Variants in DGKB observed in about 807,000 individuals in gnomAD.
The protein encoded by DGKB is diacylglycerol kinase beta, also known as 90 kDa diacylglycerol kinase.
In DGKB, 67 loss-of-function variants were observed where a neutral mutation model predicts 114.3. The ratio of observed to expected loss-of-function variants is 0.59; its 90% CI spans 0.48 to 0.72. The LOEUF (loss-of-function observed/expected upper bound fraction) is 0.72, where lower values mean the gene tolerates loss of function less well. Ranked by LOEUF, DGKB falls within the 30% of genes least tolerant of loss-of-function variation. DGKB has a pLI of 0.00. For synonymous variants in DGKB, 398 were observed against 323.1 expected, an observed-to-expected ratio of 1.23 and a Z score of -2.49; for missense variants, 907 against 975.2, an observed-to-expected ratio of 0.93 and a Z score of 0.93.
intron 6 of DGKB, among the ~76,000 whole-genome samples, chr7:14,703,696 G>A (rs1472054008): frequency 7.9e-5 from 12 of 152,084 alleles, no homozygotes; most frequent in African/African-American, 2.9e-4. Context: ...GGGGTGTTTC[G>A]AGGCAACCAT....
chr7:14,497,107 T>C (rs1423430762), intron 20 of DGKB, among the ~76,000 whole-genome samples: 1 of 151,818 alleles, frequency 6.6e-6, no homozygotes, highest in Non-Finnish European at 1.5e-5. Flanking sequence ...AATACGCATG[T>C]TCTTATTTAT....
intron 1 of DGKB, among the ~76,000 whole-genome samples, chr7:14,897,243 A>G (rs1782248682): frequency 6.6e-6 from 1 of 151,966 alleles, no homozygotes; most frequent in Non-Finnish European, 1.5e-5. Flanking sequence ...ATAAATGTAT[A>G]AAAATGGAAT....
chr7:14,776,145 G>A (rs1400501360), intron 2 of DGKB, among the ~76,000 whole-genome samples: 1 of 152,120 alleles, frequency 6.6e-6, no homozygotes, highest in East Asian at 1.9e-4. Context: ...GTAGATACCT[G>A]TGGAAATTTG....
chr7:14,668,339 G>A (rs1448939232), intron 13 of DGKB, among the ~76,000 whole-genome samples: 1 of 152,004 alleles, frequency 6.6e-6, no homozygotes, highest in African/African-American at 2.4e-5. Flanking sequence ...TTTCTAGTTT[G>A]GGAAAGTTGG....
At chr7:14,365,175 T>C (rs1160568766) in intron 21 of DGKB, among the ~76,000 whole-genome samples, 1 of 151,952 alleles carries the variant, frequency 6.6e-6, no homozygotes, top group Non-Finnish European at 1.5e-5. Flanking sequence ...ATTTGGAGAA[T>C]GAATAATGAG....
intron 16 of DGKB, among the ~76,000 whole-genome samples, chr7:14,611,613 A>C (rs953515416): frequency 6.6e-6 from 1 of 152,098 alleles, no homozygotes; most frequent in Non-Finnish European, 1.5e-5. Context: ...ATGAATAAAG[A>C]ACAAAACACA....
intron 1 of DGKB, among the ~76,000 whole-genome samples, chr7:14,845,609 G>A (rs990056458): frequency 6.6e-6 from 1 of 152,086 alleles, no homozygotes; most frequent in African/African-American, 2.4e-5. Context: ...GTGCTTAGAA[G>A]AGTGCTTGGT....
intron 23 of DGKB, among the ~76,000 whole-genome samples, chr7:14,308,493 T>G (rs1314380813): frequency 6.6e-6 from 1 of 152,198 alleles, no homozygotes; most frequent in Non-Finnish European, 1.5e-5. Context: ...AAATTTTTCT[T>G]TTATCAGAAA....
chr7:14,802,457 A>T (rs1321002039), intron 2 of DGKB, among the ~76,000 whole-genome samples: 1 of 152,084 alleles, frequency 6.6e-6, no homozygotes, highest in Non-Finnish European at 1.5e-5. Flanking sequence ...CTTCTCTCAG[A>T]CTATTTTTTG....
At chr7:14,781,347 T>C (rs1839061316) in intron 2 of DGKB, among the ~76,000 whole-genome samples, 1 of 152,198 alleles carries the variant, frequency 6.6e-6, no homozygotes, top group South Asian at 2.1e-4. Context: ...TGATTTTCAA[T>C]TAGAAATTAG....
intron 2 of DGKB, among the ~76,000 whole-genome samples, chr7:14,773,774 A>G (rs1222403705): frequency 2.0e-5 from 3 of 152,128 alleles, no homozygotes; most frequent in African/African-American, 7.2e-5. Flanking sequence ...GGACATGTAG[A>G]TGGGTCATAA....
chr7:14,745,503 C>T (rs935630976), intron 4 of DGKB, among the ~76,000 whole-genome samples: 4 of 152,282 alleles, frequency 2.6e-5, no homozygotes, highest in Middle Eastern at 3.4e-3. Context: ...GGTTATTGAG[C>T]ACAGGGGGGC....
At chr7:14,195,299 G>A (rs1751715684) in intron 23 of DGKB, among the ~76,000 whole-genome samples, 1 of 152,034 alleles carries the variant, frequency 6.6e-6, no homozygotes, top group Admixed American at 6.6e-5. Context: ...TCATATTAGT[G>A]CCATCACTAA....
Position 14,698,154 on chromosome 7 carries a change from T to C in DGKB, c.532A>G (p.Ile178Val). ...TCTGCAACATGCATCATCTGACTGA[T>C]GATATTTTCTAGCTCCTGGAAGAGA... Reference protein sequence around the residue: ...FLDSSELENIISQMMHVAEYL... With the variant: ...FLDSSELENIVSQMMHVAEYL... Residue 178 changes from isoleucine to valine, a missense_variant, in exon 8 of 26, where the codon ATC becomes GTC. By Grantham distance (29) the Ile-to-Val change is conservative. Coordinates refer to ENST00000402815, the MANE Select transcript of DGKB (RefSeq NM_001350709.2). The C allele has an allele frequency of 6.5e-7, 1 of 1,530,758 alleles. No individual in the cohort carries two copies. The allele number at this position is 1,530,758 out of a possible 1,614,324, so 94.8% of individuals were successfully genotyped here. A position where few individuals can be genotyped will look rare whatever the true frequency, so the allele number is the denominator to read the frequency against.
At chr7:14,482,572 T>C (rs1783140107) in intron 20 of DGKB, among the ~76,000 whole-genome samples, 1 of 152,082 alleles carries the variant, frequency 6.6e-6, no homozygotes, top group African/African-American at 2.4e-5. Context: ...CTAGAAACAC[T>C]ACACTTTGTA....
At chr7:14,582,499 G>C (rs192316008) in intron 18 of DGKB, among the ~76,000 whole-genome samples, 6 of 152,194 alleles carry the variant, frequency 3.9e-5, no homozygotes, top group Admixed American at 2.6e-4. Context: ...CTTTGTTGTA[G>C]TTATTTACTT....
intron 13 of DGKB, among the ~76,000 whole-genome samples, chr7:14,666,148 C>T (rs1056896546): frequency 1.2e-4 from 18 of 151,968 alleles, no homozygotes; most frequent in Admixed American, 2.6e-4. Context: ...GGCAACGACA[C>T]ATGAAGTCTA....
chr7:14,279,732 C>A (rs182354253), intron 23 of DGKB, among the ~76,000 whole-genome samples: 3,710 of 151,386 alleles, frequency 0.025, 145 homozygotes, highest in African/African-American at 0.085. Flanking sequence ...CTGGGAGGCA[C>A]CCTCCAGCAG....
intron 21 of DGKB, among the ~76,000 whole-genome samples, chr7:14,418,215 AT>A (rs1464987545): frequency 4.9e-5 from 1 of 20,580 alleles, no homozygotes; most frequent in Non-Finnish European, 3.7e-3. Context: ...ATAAATGTAT[AT>A]ATTATATATG....
Sources: gnomAD v4.1 joint callset for allele counts (sites outside exome capture counted in the v4.1 genomes callset) on GRCh38, gnomAD v4.1.1 for gene constraint, MANE v1.5 for transcripts, NCBI Gene and HGNC (gene_info 2026-07-23, HGNC 2026-07-21) for gene names.